ACSS3: variants seen among roughly 807,000 people sequenced by gnomAD.
The protein encoded by ACSS3 is acyl-CoA synthetase short-chain family member 3, mitochondrial.
A neutral mutation model predicts 84.2 loss-of-function variants in ACSS3; 64 were observed. That is an observed-to-expected ratio of 0.76 (90% CI 0.62 to 0.94). ACSS3 has a LOEUF of 0.94. ACSS3 is among the 40% of genes least tolerant of loss of function. The pLI, the probability that ACSS3 is intolerant of heterozygous loss-of-function variation, is 0.00. For synonymous variants in ACSS3, 317 were observed against 310.1 expected (o/e 1.02, Z -0.23); for missense variants, 815 against 867.6 (o/e 0.94, Z 0.76).
chr12:81,178,421 A>G (rs1229241710), intron 8 of ACSS3, among the ~76,000 whole-genome samples: 1 of 151,300 alleles, frequency 6.6e-6, no homozygotes, highest in East Asian at 1.9e-4. Flanking sequence ...ATATGTAACT[A>G]ACCTGCATAT....
rs1004292157 is a variant in ACSS3, at chr12:81,135,125, T to A, written c.645+121T>A. 44 of 802,710 alleles carry A rather than the reference T, an allele frequency of 5.5e-5. No homozygotes were observed. In the African/African-American group the frequency reaches 7.9e-4, roughly 14 times the overall value. The allele number at this position is 802,710 out of a possible 1,614,324, so 49.7% of individuals were successfully genotyped here. ...AGATCCTCCCTTCAAATAGGATGGT[T>A]GATAAATACTTTTCCTAGAAATCAT... is the stretch of plus-strand genomic sequence containing the variant. On this transcript the variant is annotated intron_variant, in intron 3 of 15. Transcript: ENST00000548058.
intron 1 of ACSS3, among the ~76,000 whole-genome samples, chr12:81,105,479 C>T (rs540644975): frequency 1.3e-5 from 2 of 152,270 alleles, no homozygotes; most frequent in East Asian, 3.9e-4. Context: ...CCAACTATAA[C>T]ACCAGTTTAG....
intron 9 of ACSS3, among the ~76,000 whole-genome samples, chr12:81,201,975 G>A (rs369819718): frequency 1.2e-4 from 18 of 152,238 alleles, no homozygotes; most frequent in African/African-American, 1.9e-4. Context: ...GTTGTGGTAA[G>A]TAGTTATAAA....
chr12:81,137,432 C>G (rs1375519112), intron 3 of ACSS3, among the ~76,000 whole-genome samples: 1 of 151,160 alleles, frequency 6.6e-6, no homozygotes, highest in Non-Finnish European at 1.5e-5. Flanking sequence ...TTGGGCAGGT[C>G]AAATGTAAGG....
chr12:81,135,670 C>T (rs929993548), intron 3 of ACSS3, among the ~76,000 whole-genome samples: 1 of 151,696 alleles, frequency 6.6e-6, no homozygotes, highest in Non-Finnish European at 1.5e-5. Flanking sequence ...ATAATGGACA[C>T]TGGAAACCCA....
chr12:81,254,605 A>C lies in ACSS3; in HGVS notation c.1996-252A>C, dbSNP rs192051864. On this transcript the variant is annotated intron_variant, in intron 15 of 15. Transcript: ENST00000548058. Reference sequence around the variant, plus strand: ...CTACAGAAATATATAGAAGACTCTTAAGAGGAACTCCAACTCTAGAGAAAA... The same window carrying C: ...CTACAGAAATATATAGAAGACTCTTCAGAGGAACTCCAACTCTAGAGAAAA... Among the ~76,000 whole-genome samples, 83 of 152,322 alleles carry C rather than the reference A, an allele frequency of 5.4e-4. No individual in the cohort carries two copies. The East Asian group carries it at 0.014, about 26-fold the overall frequency.
In ACSS3 at chr12:81,255,244, A is replaced by C. The variant is rs560196766; in HGVS notation, c.*322A>C. 239 of 178,696 alleles carry C rather than the reference A, an allele frequency of 1.3e-3. 1 individual carries two copies. The highest frequency in any genetic ancestry group is 5.2e-3 in the African/African-American group (222 of 42,676). The allele number at this position is 178,696 out of a possible 1,614,324, so 11.1% of individuals were successfully genotyped here. The stretch of plus-strand genomic sequence containing the variant: ...GAACACTTTAATTGAAAGCAACACT[A>C]ATATAGAGCCACTTCCTGAAACCAA... On this transcript the variant is annotated 3_prime_UTR_variant, in exon 16 of 16. Coordinates refer to ENST00000548058, the MANE Select transcript of ACSS3 (RefSeq NM_024560.4).
At chr12:81,191,654 T>C (rs1229270440) in intron 8 of ACSS3, among the ~76,000 whole-genome samples, 1 of 152,206 alleles carries the variant, frequency 6.6e-6, no homozygotes, top group Non-Finnish European at 1.5e-5. Flanking sequence ...CTTTCACTTA[T>C]TTTCAGAACT....
chr12:81,194,329 T>C (rs1159537308), intron 8 of ACSS3, among the ~76,000 whole-genome samples: 1 of 152,038 alleles, frequency 6.6e-6, no homozygotes, highest in East Asian at 1.9e-4. Context: ...ATTTGTATTC[T>C]GTTTATGTTC....
In ACSS3 at chr12:81,256,816, T is replaced by C. The variant is rs1436129838; in HGVS notation, c.*1894T>C. The C allele has an allele frequency of 6.6e-6, 1 of 152,208 alleles. No individual in the cohort carries two copies. Among genetic ancestry groups the C allele is most frequent in the Non-Finnish European group, 1.5e-5 (1 of 68,036 alleles). 9.4% of individuals were successfully genotyped at this position (152,208 alleles called of 1,614,324 possible). Reference sequence around the variant, plus strand: ...TTACACCTGGAAAAATATATTCATCTACTTTTTCCTTTTAATTATGTTAGT... The same window carrying C: ...TTACACCTGGAAAAATATATTCATCCACTTTTTCCTTTTAATTATGTTAGT... On this transcript the variant is annotated 3_prime_UTR_variant, in exon 16 of 16. Transcript: ENST00000548058.
At chr12:81,227,019 A>G (rs892729539) in intron 11 of ACSS3, among the ~76,000 whole-genome samples, 3 of 150,602 alleles carry the variant, frequency 2.0e-5, no homozygotes, top group East Asian at 2.0e-4. Context: ...ACATATCTAT[A>G]GAGAGGGAGA....
At chr12:81,113,780 C>T (rs1204348090) in intron 2 of ACSS3, among the ~76,000 whole-genome samples, 1 of 152,092 alleles carries the variant, frequency 6.6e-6, no homozygotes, top group Non-Finnish European at 1.5e-5. Flanking sequence ...AATTTATTTA[C>T]ATTCAGCTTG....
intron 8 of ACSS3, among the ~76,000 whole-genome samples, chr12:81,193,673 A>T (rs1354830369): frequency 6.6e-6 from 1 of 152,052 alleles, no homozygotes; most frequent in Non-Finnish European, 1.5e-5. Context: ...CACATTTAAT[A>T]GTCAATAATA....
intron 9 of ACSS3, among the ~76,000 whole-genome samples, chr12:81,208,159 C>G (rs530646882): frequency 6.6e-6 from 1 of 152,204 alleles, no homozygotes; most frequent in African/African-American, 2.4e-5. Context: ...TACAAATTGC[C>G]TCTATGCCCA....
At chr12:81,207,764 C>G (rs1284245714) in intron 9 of ACSS3, among the ~76,000 whole-genome samples, 1 of 152,048 alleles carries the variant, frequency 6.6e-6, no homozygotes, top group African/African-American at 2.4e-5. Flanking sequence ...AACTCTCATT[C>G]TTCTGTGCTG....
intron 3 of ACSS3, among the ~76,000 whole-genome samples, chr12:81,135,331 TTATAA>T (rs1433569947): frequency 1.3e-4 from 19 of 143,528 alleles, no homozygotes; most frequent in South Asian, 2.1e-4. Context: ...ATATTATATA[TTATAA>T]TATATTATAT....
intron 1 of ACSS3, among the ~76,000 whole-genome samples, chr12:81,085,183 T>C (rs12817552): frequency 6.6e-6 from 1 of 152,206 alleles, no homozygotes; most frequent in Non-Finnish European, 1.5e-5. Flanking sequence ...CTTTGTGTGG[T>C]TTCTTATGTT....
Position 81,134,815 on chromosome 12 carries a change from G to T in ACSS3, c.457-1G>T. 6.5e-7 allele frequency: 1 copy of T among 1,549,790 alleles called. No individual in the cohort carries two copies. The highest frequency in any genetic ancestry group is 8.8e-7 in the Non-Finnish European group (1 of 1,141,230). On this transcript the variant is annotated splice_acceptor_variant, in intron 2 of 15. Coordinates refer to ENST00000548058, the MANE Select transcript of ACSS3 (RefSeq NM_024560.4). LOFTEE classifies it high-confidence loss of function. ...TTACTGATTTAATGGTCTTGGCATA[G>T]GTCTCCAAGCTGGCTGGTGTCTTGG...
intron 1 of ACSS3, among the ~76,000 whole-genome samples, chr12:81,091,734 A>G (rs2121333844): frequency 6.6e-6 from 1 of 152,276 alleles, no homozygotes; most frequent in Non-Finnish European, 1.5e-5. Context: ...CTCTTAGATC[A>G]AAATCTCTTA....
Sources: gnomAD v4.1 joint callset for allele counts (sites outside exome capture counted in the v4.1 genomes callset) on GRCh38, gnomAD v4.1.1 for gene constraint, MANE v1.5 for transcripts, NCBI Gene and HGNC (gene_info 2026-07-23, HGNC 2026-07-21) for gene names.